MFHAS1: variants seen among roughly 807,000 people sequenced by gnomAD.
The protein encoded by MFHAS1 is multifunctional ROCO family signaling regulator 1, also known as malignant fibrous histiocytoma-amplified sequence 1.
In MFHAS1, 50 loss-of-function variants were observed where a neutral mutation model predicts 70.4. The ratio of observed to expected loss-of-function variants is 0.71; its 90% confidence interval spans 0.57 to 0.90. The LOEUF (loss-of-function observed/expected upper bound fraction) is 0.90. Among genes scored for constraint, MFHAS1 ranks in the 40% least tolerant of loss-of-function variants. MFHAS1 has a pLI of 0.00. For missense variants in MFHAS1, 1,795 were observed against 1,347.6 expected, an observed-to-expected ratio of 1.33 and a Z score of -5.20; for synonymous variants, 952 against 620.0, an observed-to-expected ratio of 1.54 and a Z score of -7.96.
At chr8:8,878,287 G>A (rs941298199) in intron 1 of MFHAS1, among the ~76,000 whole-genome samples, 1 of 152,070 alleles carries the variant, frequency 6.6e-6, no homozygotes, top group African/African-American at 2.4e-5. Flanking sequence ...CAGAGGTTTG[G>A]GGCTGATATC....
chr8:8,835,715 G>GT (rs1215022978), intron 1 of MFHAS1, among the ~76,000 whole-genome samples: 6 of 152,120 alleles, frequency 3.9e-5, no homozygotes, highest in African/African-American at 1.2e-4. Flanking sequence ...CCTTTACTGG[G>GT]TAAGAGTATT....
intron 1 of MFHAS1, among the ~76,000 whole-genome samples, chr8:8,823,699 TTTG>T (rs1362258465): frequency 3.3e-5 from 5 of 150,296 alleles, no homozygotes; most frequent in African/African-American, 1.2e-4. Context: ...GTCTTCAGTC[TTTG>T]ACACAGGTAA....
At chr8:8,793,339 C>G (rs1805783392) in intron 2 of MFHAS1, among the ~76,000 whole-genome samples, 1 of 152,196 alleles carries the variant, frequency 6.6e-6, no homozygotes, top group Non-Finnish European at 1.5e-5. Context: ...ATAAAGAAAG[C>G]ATTGCAGCAC....
rs200026075 is a variant in MFHAS1 at position 8,891,340 on chromosome 8, G to A, written c.1719C>T (p.Ala573=). 1.5e-4 allele frequency: 241 copies of A among 1,611,074 alleles called. No individual in the cohort carries two copies. The highest frequency in any genetic ancestry group is 1.9e-4 in the Non-Finnish European group (225 of 1,180,028). ...GGGCCAGTGCCTCGTCCACCACCTTGGCCAAGCGGCTCAGTCCCTCCGCGT... is the reference window on the plus strand; with the variant it reads ...GGGCCAGTGCCTCGTCCACCACCTTAGCCAAGCGGCTCAGTCCCTCCGCGT... ...KHDAEGLSRL[A]KVVDEALARD... Residue 573 remains alanine (A), a synonymous_variant, in exon 1 of 3, where the codon GCC becomes GCT. Coordinates refer to ENST00000276282, the MANE Select transcript of MFHAS1 (RefSeq NM_004225.3). This position sits in a 1 kb window ranked among gnomAD's most constrained non-coding sequence, Gnocchi z 5.4.
intron 1 of MFHAS1, among the ~76,000 whole-genome samples, chr8:8,868,118 C>A (rs1226962745): frequency 6.6e-6 from 1 of 151,936 alleles, no homozygotes; most frequent in Non-Finnish European, 1.5e-5. Flanking sequence ...AGACCAAGTT[C>A]CCAACGCACA....
chr8:8,786,013 C>A lies in MFHAS1; in HGVS notation c.*9G>T. On this transcript the variant is annotated 3_prime_UTR_variant, in exon 3 of 3. Transcript: ENST00000276282. ...TCTTTTCTCCATGGAAATTCCACAGCCACAAACGTCACTGGTTTCTGTGCT... is the reference window on the plus strand; with the variant it reads ...TCTTTTCTCCATGGAAATTCCACAGACACAAACGTCACTGGTTTCTGTGCT... The A allele has an allele frequency of 2.5e-6, 4 of 1,614,066 alleles. No individual in the cohort carries two copies. Among genetic ancestry groups the A allele is most frequent in the Non-Finnish European group, 3.4e-6 (4 of 1,179,960 alleles).
At chr8:8,789,566 C>T (rs113694763) in intron 2 of MFHAS1, among the ~76,000 whole-genome samples, 43,763 of 151,838 alleles carry the variant, frequency 0.29, 6,872 homozygotes, top group African/African-American at 0.39. Context: ...CGCAAGGTAC[C>T]GAGACACTTA....
In MFHAS1 at chr8:8,845,788, C is replaced by G. The variant is rs142084538; in HGVS notation, c.2998+44273G>C. ...AGCAAAAAACTAAATGGGTCCCACACCCAATTTTAATTTTCCCCACAAAAT... is the reference window on the plus strand; with the variant it reads ...AGCAAAAAACTAAATGGGTCCCACAGCCAATTTTAATTTTCCCCACAAAAT... On this transcript the variant is annotated intron_variant, in intron 1 of 2. Transcript: ENST00000276282. Among the ~76,000 whole-genome samples, 125 of 152,270 alleles carry G rather than the reference C, an allele frequency of 8.2e-4. 1 individual carries two copies. The East Asian group carries it at 0.017, about 21-fold the overall frequency.
Position 8,890,228 on chromosome 8 carries a change from G to C in MFHAS1, c.2831C>G (p.Ala944Gly), listed in dbSNP as rs890252887. ...GVLQPDTLSIASHASLPNIWT... is the reference protein window; with the variant it reads ...GVLQPDTLSIGSHASLPNIWT... ...TATATTTGGTAATGATGCATGGCTA[G>C]CAATGGACAGGGTGTCTGGCTGCAG... Residue 944 changes from alanine to glycine, a missense_variant, in exon 1 of 3, where the codon GCT (alanine) becomes GGT (glycine). Transcript: ENST00000276282. 3 of 1,614,164 alleles carry C rather than the reference G, an allele frequency of 1.9e-6. No homozygotes were observed. Among genetic ancestry groups the C allele is most frequent in the Non-Finnish European group, 2.5e-6 (3 of 1,180,020 alleles).
intron 1 of MFHAS1, among the ~76,000 whole-genome samples, chr8:8,882,483 A>G (rs1476149346): frequency 6.6e-6 from 1 of 151,812 alleles, no homozygotes; most frequent in Non-Finnish European, 1.5e-5. Flanking sequence ...GTGGTGGCAC[A>G]CGCCTGTAAT....
At chr8:8,856,499 T>C (rs561875659) in intron 1 of MFHAS1, among the ~76,000 whole-genome samples, 16 of 152,300 alleles carry the variant, frequency 1.1e-4, no homozygotes, top group Middle Eastern at 3.4e-3. Flanking sequence ...GGCCTGACAA[T>C]TGCCAAACAT....
At chr8:8,808,389 G>C (rs576343866) in intron 1 of MFHAS1, among the ~76,000 whole-genome samples, 9 of 152,280 alleles carry the variant, frequency 5.9e-5, no homozygotes, top group Admixed American at 1.3e-4. Context: ...CACTTTCTCG[G>C]TTATCAGATC....
chr8:8,891,716 G>A lies in MFHAS1; in HGVS notation c.1343C>T (p.Pro448Leu), dbSNP rs1810049213. 3 of 1,613,334 alleles carry A rather than the reference G, an allele frequency of 1.9e-6. No individual in the cohort carries two copies. ...PGGGDKEKCY[P>L]PSPPPVSKGI... ...CTTGCTCACAGGGGGAGGTGACGGT[G>A]GGTAGCACTTCTCCTTGTCCCCTCC... The change falls in exon 1 of 3, where the codon CCA becomes CTA. Residue 448 changes from proline (P) to leucine (L), a missense_variant. By Grantham distance (98) the Pro-to-Leu change is moderately conservative. Transcript: ENST00000276282. This position sits in a 1 kb window ranked among gnomAD's most constrained non-coding sequence, Gnocchi z 5.4.
chr8:8,866,329 T>C (rs929056686), intron 1 of MFHAS1, among the ~76,000 whole-genome samples: 1 of 151,806 alleles, frequency 6.6e-6, no homozygotes, highest in Non-Finnish European at 1.5e-5. Context: ...TTTTTTTTTT[T>C]TTCTTTTTTG....
Position 8,814,564 on chromosome 8 carries a change from G to C in MFHAS1, c.2999-17073C>G, listed in dbSNP as rs575268759. Among the ~76,000 whole-genome samples the C allele has an allele frequency of 9.2e-5, 14 of 152,306 alleles. No homozygotes were observed. In the South Asian group the frequency reaches 2.5e-3, roughly 27 times the overall value. On this transcript the variant is annotated intron_variant, in intron 1 of 2. Transcript: ENST00000276282. ...TAAGCCTGTCATGAAAGTTAAAAAA[G>C]TTAAGCTCTTCCAAAAATGCTGAAT...
intron 1 of MFHAS1, among the ~76,000 whole-genome samples, chr8:8,889,030 CA>C (rs35143515): frequency 5.2e-4 from 52 of 99,048 alleles, no homozygotes; most frequent in South Asian, 2.6e-3. Flanking sequence ...AAAAAGTCTT[CA>C]AAAAAAAAAA....
In MFHAS1 at chr8:8,890,768, C is replaced by G; in HGVS notation, c.2291G>C (p.Gly764Ala). The G allele has an allele frequency of 6.2e-7, 1 of 1,613,932 alleles. No individual in the cohort carries two copies. Among genetic ancestry groups the G allele is most frequent in the African/African-American group, 1.3e-5 (1 of 75,072 alleles). ...LGTSGEGKAE[G>A]ESSPPMARST... ...CCGCGCCATGGGCGGGGAGCTTTCC[C>G]CCTCCGCCTTGCCCTCTCCACTGGT... The change falls in exon 1 of 3, where the codon GGG becomes GCG. Residue 764 changes from glycine (G) to alanine (A), a missense_variant. Gly to Ala is a moderately conservative substitution (Grantham distance 60, BLOSUM62 0). Transcript: ENST00000276282.
intron 1 of MFHAS1, among the ~76,000 whole-genome samples, chr8:8,852,189 C>G (rs1301446560): frequency 6.6e-6 from 1 of 152,074 alleles, no homozygotes; most frequent in Non-Finnish European, 1.5e-5. Context: ...TTAAAACATA[C>G]CACAATGTCC....
At chr8:8,841,594 T>A (rs182283435) in intron 1 of MFHAS1, among the ~76,000 whole-genome samples, 1 of 152,246 alleles carries the variant, frequency 6.6e-6, no homozygotes, top group African/African-American at 2.4e-5. Flanking sequence ...AATCACTCGG[T>A]CAGACAGTCG....
Sources: allele counts gnomAD v4.1 joint callset (sites outside exome capture counted in the v4.1 genomes callset), GRCh38; gene constraint gnomAD v4.1.1; non-coding constraint Gnocchi (gnomAD v3.1); transcripts MANE v1.5; gene names NCBI Gene and HGNC (gene_info 2026-07-23, HGNC 2026-07-21).